FGL2: variants seen among roughly 807,000 people sequenced by gnomAD.
FGL2 encodes the protein fibrinogen like 2.
A neutral mutation model predicts 36.0 loss-of-function variants in FGL2; 21 were observed. The ratio of observed to expected loss-of-function variants is 0.58; its 90% CI spans 0.41 to 0.84. The LOEUF (loss-of-function observed/expected upper bound fraction) is 0.84. Ranked by LOEUF, FGL2 falls within the 40% of genes least tolerant of loss-of-function variation. The probability of loss-of-function intolerance (pLI) is 0.00; values close to 1 mark genes in which losing one functional copy is unlikely to be tolerated. For synonymous variants in FGL2, 183 were observed against 190.7 expected (o/e 0.96, Z 0.33); for missense variants, 444 against 526.3 (o/e 0.84, Z 1.53).
chr7:77,196,375 A>AC lies in FGL2; in HGVS notation c.1223dup (p.Thr409TyrfsTer7), dbSNP rs1791870439. 6.2e-7 allele frequency: 1 copy of AC among 1,614,000 alleles called. No homozygotes were observed. Among genetic ancestry groups the AC allele is most frequent in the South Asian group, 1.1e-5 (1 of 91,084 alleles). ...GTGCCTCACTTACACCAGGCCAGGTACCCCAGAAAATCCCATTACGGACAC... is the reference window on the plus strand; with the variant it reads ...GTGCCTCACTTACACCAGGCCAGGTACCCCCAGAAAATCCCATTACGGACAC... On this transcript the variant is annotated frameshift_variant, in exon 2 of 2. Transcript: ENST00000248598. LOFTEE classifies it high-confidence loss of function. The surrounding 1 kb of genome is among the most constrained non-coding windows in gnomAD (Gnocchi z 4.2).
At position 77,197,867 on chromosome 7, in the gene FGL2, A is replaced by G. The variant is rs1347886483; in HGVS notation, c.614-882T>C. Reference sequence around the variant, plus strand: ...ACAGGTGACTATATTGAGGATAAGCATAATAATCAGTTAACAAAGTTCTGT... The same window carrying G: ...ACAGGTGACTATATTGAGGATAAGCGTAATAATCAGTTAACAAAGTTCTGT... On this transcript the variant is annotated intron_variant, in intron 1 of 1. Transcript: ENST00000248598. Among the ~76,000 whole-genome samples, 4 of 152,242 alleles carry G rather than the reference A, an allele frequency of 2.6e-5. No individual in the cohort carries two copies. In the East Asian group the frequency reaches 7.7e-4, roughly 29 times the overall value.
chr7:77,193,546 C>A lies in FGL2; in HGVS notation c.*2733G>T, dbSNP rs1791809384. On this transcript the variant is annotated 3_prime_UTR_variant, in exon 2 of 2. Transcript: ENST00000248598. ...TACTCATAACTTTTACCTTTAAAAC[C>A]TTTTCTTGGGTAGCTATTCAAAAGT... 1 of 152,198 alleles carries A rather than the reference C, an allele frequency of 6.6e-6. No individual in the cohort carries two copies. Among genetic ancestry groups the A allele is most frequent in the Admixed American group, 6.5e-5 (1 of 15,290 alleles). The allele number at this position is 152,198 out of a possible 1,614,324, so 9.4% of individuals were successfully genotyped here. A position where few individuals can be genotyped will look rare whatever the true frequency, so the allele number is the denominator to read the frequency against.
chr7:77,199,198 T>G lies in FGL2; in HGVS notation c.596A>C (p.Gln199Pro), dbSNP rs756596183. Residue 199 changes from glutamine (Q) to proline (P), a missense_variant, in exon 1 of 2, where the codon CAA (glutamine) becomes CCA (proline). Coordinates refer to ENST00000248598, the MANE Select transcript of FGL2 (RefSeq NM_006682.3). The part of the protein sequence containing the change: ...GKCSKCPSQE[Q>P]IQSRPVQHLI... Reference sequence around the variant, plus strand: ...ATACATACCTGGACGTGACTGTATTTGTTCTTGGCTGGGACACTTTGAACA... The same window carrying G: ...ATACATACCTGGACGTGACTGTATTGGTTCTTGGCTGGGACACTTTGAACA... 6.2e-7 allele frequency: 1 copy of G among 1,613,784 alleles called. No homozygotes were observed. Among genetic ancestry groups the G allele is most frequent in the Non-Finnish European group, 8.5e-7 (1 of 1,179,798 alleles).
chr7:77,199,781 T>C lies in FGL2; in HGVS notation c.13A>G (p.Asn5Asp), dbSNP rs750159294. Residue 5 changes from asparagine to aspartate, a missense_variant, in exon 1 of 2, where the codon AAC becomes GAC. Physicochemically the swap from Asn to Asp is conservative, Grantham distance 23. Transcript: ENST00000248598. ...ACAGCTGAGCTCAGCCAGTACCAGT[T>C]AGCCAGCTTCATCTTTACAGTGCTG... MKLA[N>D]WYWLSSAVLA... 1.5e-5 allele frequency: 25 copies of C among 1,613,844 alleles called. No individual in the cohort carries two copies. The South Asian group carries it at 2.5e-4, about 16-fold the overall frequency.
In FGL2 at chr7:77,196,756, T is replaced by G. The variant is rs1562829709; in HGVS notation, c.843A>C (p.Glu281Asp). Residue 281 changes from glutamate (E) to aspartate (D), a missense_variant, in exon 2 of 2, where the codon GAA (glutamate) becomes GAC (aspartate). Transcript: ENST00000248598. The surrounding 1 kb of genome is among the most constrained non-coding windows in gnomAD (Gnocchi z 4.2). ...YKAGFGNLRR[E>D]FWLGNDKIHL... ...GAATTTTATCGTTCCCCAGCCAAAA[T>G]TCCCTTCTGAGGTTTCCAAAGCCTG... The G allele has an allele frequency of 6.2e-7, 1 of 1,614,194 alleles. No individual in the cohort carries two copies. Among genetic ancestry groups the G allele is most frequent in the Non-Finnish European group, 8.5e-7 (1 of 1,180,014 alleles).
intron 1 of FGL2, among the ~76,000 whole-genome samples, chr7:77,197,629 G>A (rs1417546545): frequency 6.6e-6 from 1 of 152,186 alleles, no homozygotes; most frequent in African/African-American, 2.4e-5. Flanking sequence ...ACTGTCAGAA[G>A]GTTTTATAGC....
intron 1 of FGL2, chr7:77,198,837 T>TA (rs1791924546): frequency 3.1e-6 from 1 of 317,574 alleles, no homozygotes. Flanking sequence ...AACATCGCCT[T>TA]ATCTTTATTG....
intron 1 of FGL2, chr7:77,198,364 A>G (rs1791915277): frequency 1.0e-6 from 1 of 967,730 alleles, no homozygotes; most frequent in Admixed American, 6.1e-5. Flanking sequence ...AGTATGAGAC[A>G]GTCAGCAACA....
intron 1 of FGL2, chr7:77,198,048 A>T: frequency 1.2e-6 from 1 of 824,038 alleles, no homozygotes; most frequent in Non-Finnish European, 1.5e-6. Flanking sequence ...TTTAGGAGAA[A>T]AATAGACAAT....
rs79313675 is a variant in FGL2, at chr7:77,193,730, G to A, written c.*2549C>T. The A allele has an allele frequency of 0.027, 4,061 of 152,072 alleles. 64 individuals carry two copies. Among genetic ancestry groups the A allele is most frequent in the Non-Finnish European group, 0.039 (2,636 of 67,912 alleles). 9.4% of individuals were successfully genotyped at this position (152,072 alleles called of 1,614,324 possible). A position where few individuals can be genotyped will look rare whatever the true frequency, so the allele number is the denominator to read the frequency against. On this transcript the variant is annotated 3_prime_UTR_variant, in exon 2 of 2. Coordinates refer to ENST00000248598, the MANE Select transcript of FGL2 (RefSeq NM_006682.3). ...GTCATAGGTAAATCAGCTCCACCTGGAATTTCTAAGGACCCAGTTTTAGTC... is the reference window on the plus strand; with the variant it reads ...GTCATAGGTAAATCAGCTCCACCTGAAATTTCTAAGGACCCAGTTTTAGTC...
intron 1 of FGL2, among the ~76,000 whole-genome samples, chr7:77,197,746 T>C (rs1226939341): frequency 6.6e-6 from 1 of 152,208 alleles, no homozygotes; most frequent in Non-Finnish European, 1.5e-5. Flanking sequence ...AAAAGAAGTA[T>C]CTTTTTCAAT....
At position 77,199,607 on chromosome 7, in the gene FGL2, G is replaced by C. The variant is rs779393816; in HGVS notation, c.187C>G (p.Pro63Ala). 3.1e-6 allele frequency: 5 copies of C among 1,614,146 alleles called. No homozygotes were observed. The highest frequency in any genetic ancestry group is 3.3e-5 in the Admixed American group (2 of 60,012). ...GECPYQVSLPPLTIQLPKQFS... is the reference protein window; with the variant it reads ...GECPYQVSLPALTIQLPKQFS... ...TGCTTCGGGAGCTGAATAGTCAAGG[G>C]GGGCAGGCTTACCTGGTAGGGGCAC... The change falls in exon 1 of 2, where the codon CCC becomes GCC. Residue 63 changes from proline to alanine, a missense_variant. Transcript: ENST00000248598.
chr7:77,199,394 C>G lies in FGL2; in HGVS notation c.400G>C (p.Glu134Gln). Residue 134 changes from glutamate (E) to glutamine (Q), a missense_variant, in exon 1 of 2, where the codon GAG becomes CAG. Transcript: ENST00000248598. ...EVGDNRVREL[E>Q]SEVNKLSSEL... ...GAGGACAGCTTGTTAACCTCACTCT[C>G]TAATTCTCTAACTCTGTTATCACCA... 6.2e-7 allele frequency: 1 copy of G among 1,614,162 alleles called. No individual in the cohort carries two copies. The highest frequency in any genetic ancestry group is 2.2e-5 in the East Asian group (1 of 44,872).
chr7:77,197,534 T>G (rs571276660), intron 1 of FGL2, among the ~76,000 whole-genome samples: 51 of 152,316 alleles, frequency 3.3e-4, no homozygotes, highest in Admixed American at 1.5e-3. Context: ...ATCAGATGAT[T>G]CTAACTCTCC....
rs575304336 is a variant in FGL2, at chr7:77,196,215, A to G, written c.*64T>C. On this transcript the variant is annotated 3_prime_UTR_variant, in exon 2 of 2. Coordinates refer to ENST00000248598, the MANE Select transcript of FGL2 (RefSeq NM_006682.3). This position sits in a 1 kb window ranked among gnomAD's most constrained non-coding sequence, Gnocchi z 4.2. ...AAAAATATGAAACAAGGCATATTCTAAAGTGCTGAAGGAATTAATTGCCCT... is the reference window on the plus strand; with the variant it reads ...AAAAATATGAAACAAGGCATATTCTGAAGTGCTGAAGGAATTAATTGCCCT... The G allele has an allele frequency of 2.0e-5, 24 of 1,200,790 alleles. No homozygotes were observed. The African/African-American group carries it at 3.0e-4, about 15-fold the overall frequency. 74.4% of individuals were successfully genotyped at this position (1,200,790 alleles called of 1,614,324 possible).
intron 1 of FGL2, chr7:77,198,120 A>G: frequency 1.0e-6 from 1 of 985,406 alleles, no homozygotes; most frequent in Non-Finnish European, 1.2e-6. Flanking sequence ...CACTGATGTC[A>G]CCTAAGCGGT....
rs1429276298 is a variant in FGL2 at position 77,193,790 on chromosome 7, CTTAA to C, written c.*2485_*2488del. ...AAGTAATCATGACCTCAGAAATAGT[CTTAA>C]TTAAGATAACAAATATTAGCCATCA... is the stretch of plus-strand genomic sequence containing the variant. On this transcript the variant is annotated 3_prime_UTR_variant, in exon 2 of 2. Coordinates refer to ENST00000248598, the MANE Select transcript of FGL2 (RefSeq NM_006682.3). 6.6e-6 allele frequency: 1 copy of C among 152,274 alleles called. No homozygotes were observed. The highest frequency in any genetic ancestry group is 2.4e-5 in the African/African-American group (1 of 41,330). 9.4% of individuals were successfully genotyped at this position (152,274 alleles called of 1,614,324 possible). A position where few individuals can be genotyped will look rare whatever the true frequency, so the allele number is the denominator to read the frequency against.
At position 77,196,482 on chromosome 7, in the gene FGL2, G is replaced by C. The variant is rs1328317183; in HGVS notation, c.1117C>G (p.Leu373Val). Residue 373 changes from leucine (L) to valine (V), a missense_variant, in exon 2 of 2, where the codon CTG becomes GTG. Leu to Val is a conservative substitution (Grantham distance 32, BLOSUM62 1). Transcript: ENST00000248598. The surrounding 1 kb of genome is among the most constrained non-coding windows in gnomAD (Gnocchi z 4.2). ...AACCACCAGCCTGAACTGTAGTACA[G>C]CCCACAGTTCCCAGAAGGATATCGA... Reference protein sequence around the residue: ...NDRYPSGNCGLYYSSGWWFDA... With the variant: ...NDRYPSGNCGVYYSSGWWFDA... 1 of 1,614,024 alleles carries C rather than the reference G, an allele frequency of 6.2e-7. No individual in the cohort carries two copies. The highest frequency in any genetic ancestry group is 1.3e-5 in the African/African-American group (1 of 75,036).
Position 77,199,435 on chromosome 7 carries a change from C to T in FGL2, c.359G>A (p.Gly120Glu). ...GRNGLLLPST[G>E]APGEVGDNRV... Reference sequence around the variant, plus strand: ...GTTATCACCAACCTCTCCCGGGGCTCCTGTACTGGGTAACAACAGTCCGTT... The same window carrying T: ...GTTATCACCAACCTCTCCCGGGGCTTCTGTACTGGGTAACAACAGTCCGTT... The change falls in exon 1 of 2, where the codon GGA (glycine) becomes GAA (glutamate). Residue 120 changes from glycine (G) to glutamate (E), a missense_variant. Transcript: ENST00000248598. The T allele has an allele frequency of 6.2e-7, 1 of 1,614,170 alleles. No homozygotes were observed. The highest frequency in any genetic ancestry group is 8.5e-7 in the Non-Finnish European group (1 of 1,180,036).
Sources: gnomAD v4.1 joint callset for allele counts (sites outside exome capture counted in the v4.1 genomes callset) on GRCh38, gnomAD v4.1.1 for gene constraint, Gnocchi (gnomAD v3.1) non-coding constraint, MANE v1.5 for transcripts, NCBI Gene and HGNC (gene_info 2026-07-23, HGNC 2026-07-21) for gene names.